GTF2E2: variants seen among roughly 807,000 people sequenced by gnomAD.
GTF2E2 encodes general transcription factor IIE subunit 2.
A neutral mutation model predicts 40.5 loss-of-function variants in GTF2E2; 21 were observed. The observed-to-expected ratio is 0.52, with a 90% CI of 0.37 to 0.75. The LOEUF (loss-of-function observed/expected upper bound fraction) is 0.75. Ranked by LOEUF, GTF2E2 falls within the 30% of genes least tolerant of loss-of-function variation. The pLI, the probability that GTF2E2 is intolerant of heterozygous loss-of-function variation, is 0.00. For missense variants in GTF2E2, 298 were observed against 338.4 expected (o/e 0.88, Z 0.94); for synonymous variants, 117 against 121.6 (o/e 0.96, Z 0.25).
chr8:30,635,101 G>A lies in GTF2E2; in HGVS notation c.189C>T (p.Asn63=). 6.2e-7 allele frequency: 1 copy of A among 1,604,020 alleles called. No homozygotes were observed. Among genetic ancestry groups the A allele is most frequent in the Non-Finnish European group, 8.5e-7 (1 of 1,171,696 alleles). The change falls in exon 3 of 8, where the codon AAC becomes AAT. Residue 63 remains asparagine, a synonymous_variant. Coordinates refer to ENST00000355904, the MANE Select transcript of GTF2E2 (RefSeq NM_002095.6). Reference sequence around the variant, plus strand: ...CAGAGCTTCCTGACAAAGCTTTCAAGTTAAATGATCCATTGCTATGATCTG... The same window carrying A: ...CAGAGCTTCCTGACAAAGCTTTCAAATTAAATGATCCATTGCTATGATCTG... ...QNSDHSNGSF[N]LKALSGSSGY... is the part of the protein sequence containing the mutation.
intron 1 of GTF2E2, among the ~76,000 whole-genome samples, chr8:30,654,042 T>TAATG (rs1409481829): frequency 6.8e-6 from 1 of 146,230 alleles, no homozygotes; most frequent in African/African-American, 2.5e-5. Context: ...TGAGCTGTGA[T>TAATG]AATGCCACTG....
intron 2 of GTF2E2, among the ~76,000 whole-genome samples, chr8:30,641,301 T>C (rs367643384): frequency 6.6e-6 from 1 of 152,184 alleles, no homozygotes; most frequent in South Asian, 2.1e-4. Flanking sequence ...CAGCAAAGCA[T>C]GTAAGTGCCT....
At chr8:30,650,089 G>A (rs189324336) in intron 2 of GTF2E2, among the ~76,000 whole-genome samples, 129 of 152,022 alleles carry the variant, frequency 8.5e-4, no homozygotes, top group African/African-American at 3.0e-3. Flanking sequence ...TTCACAAATC[G>A]TTTAAGGAGG....
intron 3 of GTF2E2, among the ~76,000 whole-genome samples, chr8:30,620,762 C>A (rs1801070671): frequency 6.7e-6 from 1 of 150,146 alleles, no homozygotes; most frequent in East Asian, 1.9e-4. Flanking sequence ...AACCTCGACT[C>A]CACAAAAAAA....
chr8:30,589,267 A>G (rs1266958210), intron 6 of GTF2E2, among the ~76,000 whole-genome samples: 8 of 152,160 alleles, frequency 5.3e-5, no homozygotes, highest in Non-Finnish European at 1.2e-4. Flanking sequence ...AAAAAAGAAA[A>G]AAGTATTGGC....
At chr8:30,620,243 C>CAAACACACAT (rs1554557289) in intron 3 of GTF2E2, among the ~76,000 whole-genome samples, 2 of 150,192 alleles carry the variant, frequency 1.3e-5, no homozygotes, top group African/African-American at 2.5e-5. Context: ...CACACAAACA[C>CAAACACACAT]ACACACACAC....
At chr8:30,655,772 C>T (rs1015023059) in intron 1 of GTF2E2, among the ~76,000 whole-genome samples, 2 of 152,034 alleles carry the variant, frequency 1.3e-5, no homozygotes, top group Admixed American at 6.5e-5. Context: ...AATCACTGGA[C>T]GGTGAATCAA....
At chr8:30,622,581 T>C (rs1363995468) in intron 3 of GTF2E2, among the ~76,000 whole-genome samples, 3 of 152,022 alleles carry the variant, frequency 2.0e-5, no homozygotes, top group African/African-American at 7.3e-5. Flanking sequence ...GCAACCGGTC[T>C]GACCAAAATT....
At chr8:30,624,652 T>A (rs965180426) in intron 3 of GTF2E2, among the ~76,000 whole-genome samples, 21 of 152,222 alleles carry the variant, frequency 1.4e-4, no homozygotes, top group Middle Eastern at 6.8e-3. Context: ...GAGCATGGAA[T>A]GTTCTTCCAT....
At chr8:30,592,614 T>C (rs915701834) in intron 6 of GTF2E2, among the ~76,000 whole-genome samples, 1 of 152,216 alleles carries the variant, frequency 6.6e-6, no homozygotes, top group African/African-American at 2.4e-5. Flanking sequence ...TATCCTCCCA[T>C]GCACTTTAAA....
intron 2 of GTF2E2, among the ~76,000 whole-genome samples, chr8:30,644,075 T>C (rs1258410665): frequency 6.6e-6 from 1 of 152,244 alleles, no homozygotes; most frequent in Non-Finnish European, 1.5e-5. Context: ...GGTTATCTTA[T>C]AATTTTTAAA....
chr8:30,636,857 TAAAAAA>T, intron 2 of GTF2E2: 1 of 295,556 alleles, frequency 3.4e-6, no homozygotes, highest in Non-Finnish European at 6.5e-6. Flanking sequence ...GTCTCAAAAT[TAAAAAA>T]AAAAAAAAAA....
chr8:30,643,382 G>C (rs1464337545), intron 2 of GTF2E2: 1 of 152,304 alleles, frequency 6.6e-6, no homozygotes, highest in Non-Finnish European at 1.5e-5. Flanking sequence ...TGGGAGGCCA[G>C]GCGCAGTGGC....
At chr8:30,630,201 T>C (rs144398889) in intron 3 of GTF2E2, among the ~76,000 whole-genome samples, 210 of 152,346 alleles carry the variant, frequency 1.4e-3, no homozygotes, top group Non-Finnish European at 2.4e-3. Flanking sequence ...CAACGTAAAT[T>C]ACTGAGCTAT....
At position 30,580,365 on chromosome 8, in the gene GTF2E2, T is replaced by C; in HGVS notation, c.675A>G (p.Val225=). 6.3e-7 allele frequency: 1 copy of C among 1,597,986 alleles called. No individual in the cohort carries two copies. The highest frequency in any genetic ancestry group is 8.6e-7 in the Non-Finnish European group (1 of 1,165,284). Residue 225 remains valine (V), a synonymous_variant, in exon 7 of 8, where the codon GTA becomes GTG. Coordinates refer to ENST00000355904, the MANE Select transcript of GTF2E2 (RefSeq NM_002095.6). The stretch of plus-strand genomic sequence containing the variant: ...CAATTTTCTCCTCGTCCATGGAATC[T>C]ACAGTGACACTCCTCCACAGTTTCT... ...EFQKLWRSVT[V]DSMDEEKIEE... is the part of the protein sequence containing the mutation.
chr8:30,587,801 T>C (rs796924467), intron 6 of GTF2E2, among the ~76,000 whole-genome samples: 16 of 139,340 alleles, frequency 1.1e-4, no homozygotes, highest in African/African-American at 4.1e-4. Context: ...GAACCCAAGA[T>C]ACGGAGGTTG....
At chr8:30,636,261 G>C (rs1265078095) in intron 2 of GTF2E2, among the ~76,000 whole-genome samples, 1 of 152,170 alleles carries the variant, frequency 6.6e-6, no homozygotes, top group African/African-American at 2.4e-5. Context: ...AGCAAGGCAT[G>C]AGATCAGATA....
intron 6 of GTF2E2, among the ~76,000 whole-genome samples, chr8:30,604,424 C>T (rs968139103): frequency 2.6e-5 from 4 of 152,102 alleles, no homozygotes; most frequent in South Asian, 2.1e-4. Context: ...ATTTCTATGA[C>T]TACTTCATTA....
chr8:30,644,686 A>G (rs956713047), intron 2 of GTF2E2: 2 of 152,250 alleles, frequency 1.3e-5, no homozygotes, highest in Non-Finnish European at 2.9e-5. Context: ...CACTGCTTTA[A>G]TCAAGTTTTA....
Sources: allele counts gnomAD v4.1 joint callset (sites outside exome capture counted in the v4.1 genomes callset), GRCh38; gene constraint gnomAD v4.1.1; transcripts MANE v1.5; gene names NCBI Gene and HGNC (gene_info 2026-07-23, HGNC 2026-07-21).